The following APBA1 variants were observed in gnomAD, a reference collection of about 807,000 sequenced individuals.
APBA1 encodes amyloid-beta A4 precursor protein-binding family A member 1.
APBA1 carries 55 observed loss-of-function variants against 86.6 expected under a neutral mutation model. The observed-to-expected ratio is 0.64, with a 90% confidence interval of 0.51 to 0.80. The LOEUF (loss-of-function observed/expected upper bound fraction) is 0.80, where lower values mean the gene tolerates loss of function less well. APBA1 is among the 30% of genes least tolerant of loss of function. The pLI, the probability that APBA1 is intolerant of heterozygous loss-of-function variation, is 0.00. For missense variants in APBA1, 1,090 were observed against 1,183.0 expected, an observed-to-expected ratio of 0.92 and a Z score of 1.15; for synonymous variants, 511 against 493.9, an observed-to-expected ratio of 1.03 and a Z score of -0.46.
At chr9:69,561,744 C>T (rs141797086) in intron 1 of APBA1, among the ~76,000 whole-genome samples, 10,081 of 152,090 alleles carry the variant, frequency 0.066, 435 homozygotes, top group African/African-American at 0.11. Context: ...ATTCTCCCTG[C>T]CTCAGCCTCT....
chr9:69,558,180 C>T (rs577734967), intron 1 of APBA1, among the ~76,000 whole-genome samples: 9 of 152,142 alleles, frequency 5.9e-5, no homozygotes, highest in African/African-American at 1.9e-4. Context: ...TTTTTATTGG[C>T]TCTCAATTTT....
At chr9:69,531,313 C>T (rs1046120676) in intron 1 of APBA1, among the ~76,000 whole-genome samples, 6 of 152,250 alleles carry the variant, frequency 3.9e-5, no homozygotes, top group African/African-American at 4.8e-5. Context: ...TCCAAAAGTG[C>T]GTACCATCAC....
intron 1 of APBA1, among the ~76,000 whole-genome samples, 187 bp downstream of exon 1, chr9:69,671,966 G>A (rs1191642482): frequency 2.0e-5 from 3 of 152,122 alleles, no homozygotes; most frequent in African/African-American, 7.2e-5. Context: ...GCCTTCCCCC[G>A]CCTCGCTAGC....
chr9:69,434,025 T>C (rs1460015661), intron 11 of APBA1, among the ~76,000 whole-genome samples: 4 of 152,222 alleles, frequency 2.6e-5, no homozygotes, highest in Non-Finnish European at 5.9e-5. Context: ...TTGGCCAAGC[T>C]GGTCTCAAAC....
At chr9:69,601,214 TA>T (rs1169945484) in intron 1 of APBA1, among the ~76,000 whole-genome samples, 13 of 152,366 alleles carry the variant, frequency 8.5e-5, no homozygotes, top group African/African-American at 2.9e-4. Flanking sequence ...GAAAGAGCCT[TA>T]AACTCCCTTT....
intron 1 of APBA1, among the ~76,000 whole-genome samples, chr9:69,651,898 T>C (rs957207193): frequency 6.6e-6 from 1 of 152,218 alleles, no homozygotes; most frequent in Non-Finnish European, 1.5e-5. Context: ...AAAAGTCACA[T>C]GTTGAAGCCC....
rs745766689 is a variant in APBA1, at chr9:69,432,603, T to C, written c.2375A>G (p.Asn792Ser). Residue 792 changes from asparagine to serine, a missense_variant, in exon 12 of 13, where the codon AAT becomes AGT. Asn to Ser is a conservative substitution (Grantham distance 46). Transcript: ENST00000265381. Reference sequence around the variant, plus strand: ...GGGGGTGGCCACGACGCTCTGTCCATTGATTTCAATGATCCGGTGCCCCAC... The same window carrying C: ...GGGGGTGGCCACGACGCTCTGTCCACTGATTTCAATGATCCGGTGCCCCAC... Reference protein sequence around the residue: ...VRVGHRIIEINGQSVVATPHE... With the variant: ...VRVGHRIIEISGQSVVATPHE... The C allele has an allele frequency of 1.2e-5, 20 of 1,606,882 alleles. No individual in the cohort carries two copies. The highest frequency in any genetic ancestry group is 6.8e-5 in the East Asian group (3 of 43,980).
At chr9:69,450,178 C>T (rs1224078763) in intron 9 of APBA1, among the ~76,000 whole-genome samples, 1 of 151,022 alleles carries the variant, frequency 6.6e-6, no homozygotes, top group African/African-American at 2.4e-5. Context: ...ATTCCATGCG[C>T]AGGTTCCCCC....
intron 9 of APBA1, among the ~76,000 whole-genome samples, chr9:69,450,500 G>A (rs1422985877): frequency 6.6e-6 from 1 of 152,190 alleles, no homozygotes; most frequent in Admixed American, 6.5e-5. Flanking sequence ...GTGTGTATGT[G>A]TATTTTTGGG....
chr9:69,564,831 GA>G lies in APBA1; in HGVS notation c.-69-47553del, dbSNP rs375844245. Among the ~76,000 whole-genome samples, 19 of 152,284 alleles carry G rather than the reference GA, an allele frequency of 1.2e-4. No individual in the cohort carries two copies. In the East Asian group the frequency reaches 3.7e-3, roughly 29 times the overall value. On this transcript the variant is annotated intron_variant, in intron 1 of 12. Transcript: ENST00000265381. ...CAGTAATTCCAGCATGTACCCAAAAGAGTTGACAGCAGGGACTCAAGCAGAT... is the reference window on the plus strand; with the variant it reads ...CAGTAATTCCAGCATGTACCCAAAAGGTTGACAGCAGGGACTCAAGCAGAT...
chr9:69,477,163 T>C (rs10125397), intron 2 of APBA1, among the ~76,000 whole-genome samples: 4 of 152,026 alleles, frequency 2.6e-5, no homozygotes, highest in Non-Finnish European at 4.4e-5. Context: ...GCTCCCAGCG[T>C]GAGCGACACA....
At chr9:69,658,282 T>TTCTTTCTTTCTTTC (rs1554709948) in intron 1 of APBA1, among the ~76,000 whole-genome samples, 879 of 39,746 alleles carry the variant, frequency 0.022, 43 homozygotes, top group Non-Finnish European at 0.028. Flanking sequence ...CTTTCTTTCT[T>TTCTTTCTTTCTTTC]TCTCTCTCTC....
At chr9:69,437,466 G>A (rs1205351577) in intron 11 of APBA1, among the ~76,000 whole-genome samples, 1 of 126,682 alleles carries the variant, frequency 7.9e-6, no homozygotes, top group Non-Finnish European at 1.6e-5. Context: ...CCTGTTATTG[G>A]TCTATTCAGA....
intron 10 of APBA1, among the ~76,000 whole-genome samples, chr9:69,449,138 G>A (rs1324483822): frequency 1.3e-5 from 2 of 152,154 alleles, no homozygotes; most frequent in Non-Finnish European, 2.9e-5. Flanking sequence ...CATAGTCAGG[G>A]CCACTGGGAA....
At chr9:69,609,153 A>G (rs989769539) in intron 1 of APBA1, among the ~76,000 whole-genome samples, 2 of 152,146 alleles carry the variant, frequency 1.3e-5, no homozygotes, top group African/African-American at 4.8e-5. Flanking sequence ...GTACTTGGGA[A>G]TGGGGTGGGG....
intron 1 of APBA1, among the ~76,000 whole-genome samples, chr9:69,561,470 A>G (rs1376472179): frequency 6.6e-6 from 1 of 152,212 alleles, no homozygotes; most frequent in African/African-American, 2.4e-5. Flanking sequence ...GAGTTAAACA[A>G]TAACATCAAG....
intron 1 of APBA1, among the ~76,000 whole-genome samples, chr9:69,639,442 A>C (rs1319638746): frequency 1.3e-5 from 2 of 152,196 alleles, no homozygotes; most frequent in Non-Finnish European, 2.9e-5. Context: ...CCAGGTCAAA[A>C]GTAGAAAATA....
rs545216044 is a variant in APBA1, at chr9:69,466,354, G to A, written c.1482+1469C>T. On this transcript the variant is annotated intron_variant, in intron 5 of 12. Coordinates refer to ENST00000265381, the MANE Select transcript of APBA1 (RefSeq NM_001163.4). ...TATGAGCTATTCACCACATGGCAGAGTCTGGACACGTGACTAACGTAAGAA... is the reference window on the plus strand; with the variant it reads ...TATGAGCTATTCACCACATGGCAGAATCTGGACACGTGACTAACGTAAGAA... Among the ~76,000 whole-genome samples, 6 of 152,332 alleles carry A rather than the reference G, an allele frequency of 3.9e-5. No individual in the cohort carries two copies. The South Asian group carries it at 6.2e-4, about 16-fold the overall frequency.
chr9:69,431,225 G>C lies in APBA1; in HGVS notation c.*102C>G. 1.2e-6 allele frequency: 1 copy of C among 842,876 alleles called. No individual in the cohort carries two copies. Among genetic ancestry groups the C allele is most frequent in the Non-Finnish European group, 1.8e-6 (1 of 553,754 alleles). 52.2% of individuals were successfully genotyped at this position (842,876 alleles called of 1,614,324 possible). A position where few individuals can be genotyped will look rare whatever the true frequency, so the allele number is the denominator to read the frequency against. ...CTCTTCCTGTGTAAAACCAAATGCT[G>C]GGCGCGAGAGGGGAAAGTCTCAGTG... On this transcript the variant is annotated 3_prime_UTR_variant, in exon 13 of 13. Transcript: ENST00000265381.
Sources: allele counts gnomAD v4.1 joint callset (sites outside exome capture counted in the v4.1 genomes callset), GRCh38; gene constraint gnomAD v4.1.1; transcripts MANE v1.5; gene names NCBI Gene and HGNC (gene_info 2026-07-23, HGNC 2026-07-21).